Variants in ABCA8 observed in about 807,000 individuals in gnomAD.
ABCA8 encodes the protein ABC-type organic anion transporter ABCA8.
ABCA8 carries 177 observed loss-of-function variants against 192.3 expected under a neutral mutation model. The observed-to-expected ratio is 0.92, with a 90% CI of 0.81 to 1.04. The LOEUF (loss-of-function observed/expected upper bound fraction) is 1.04. Ranked by LOEUF, ABCA8 falls within the 50% of genes least tolerant of loss-of-function variation. The pLI is 0.00. For missense variants in ABCA8, 1,915 were observed against 1,904.8 expected (o/e 1.01, Z -0.10); for synonymous variants, 642 against 690.2 (o/e 0.93, Z 1.09).
In ABCA8 at chr17:68,877,691, A is replaced by G. The variant is rs1385824619; in HGVS notation, c.4039-12T>C. The G allele has an allele frequency of 5.0e-6, 8 of 1,606,628 alleles. No homozygotes were observed. Among genetic ancestry groups the G allele is most frequent in the Non-Finnish European group, 6.8e-6 (8 of 1,175,776 alleles). On this transcript the variant is annotated splice_polypyrimidine_tract_variant and intron_variant, in intron 32 of 39. Transcript: ENST00000586539. ...CCTTTCAGTAGCACCTGCAGATGAA[A>G]GTTCCCTCTCAGAACCTACCTTCTG...
chr17:68,876,321 TATTGG>T, intron 35 of ABCA8, 134 bp downstream of exon 35: 1 of 886,246 alleles, frequency 1.1e-6, no homozygotes, highest in Non-Finnish European at 1.7e-6. Flanking sequence ...TTTTGCAAAG[TATTGG>T]TTTTACAAGT....
chr17:68,922,362 G>T, intron 11 of ABCA8, 62 bp from the exon 12 acceptor site: 1 of 1,132,978 alleles, frequency 8.8e-7, no homozygotes, highest in Non-Finnish European at 1.2e-6. Context: ...TTCCAGTTTG[G>T]TAGACAGGAT....
intron 17 of ABCA8, among the ~76,000 whole-genome samples, chr17:68,910,961 C>T (rs2067216007): frequency 6.6e-6 from 1 of 152,192 alleles, no homozygotes; most frequent in African/African-American, 2.4e-5. Flanking sequence ...TGCCACAGGC[C>T]TTGGGTGAGG....
chr17:68,885,439 A>G (rs2066432926), intron 26 of ABCA8, 124 bp from the exon 27 acceptor site: 4 of 920,266 alleles, frequency 4.3e-6, no homozygotes, highest in South Asian at 1.8e-5. Flanking sequence ...TGAAATCAGT[A>G]TATCTCCATT....
rs1388303017 is a variant in ABCA8 at position 68,932,354 on chromosome 17, A to AC, written c.730dup (p.Val244GlyfsTer122). On this transcript the variant is annotated frameshift_variant, in exon 7 of 40. Coordinates refer to ENST00000586539, the MANE Select transcript of ABCA8 (RefSeq NM_001288985.2). LOFTEE classifies it high-confidence loss of function. ...CTTCATCCTTTTCCTCTCTCTTGTG[A>AC]CATTAACAGATGCATAGTAAATGAA... The AC allele has an allele frequency of 6.2e-7, 1 of 1,614,114 alleles. No individual in the cohort carries two copies. Among genetic ancestry groups the AC allele is most frequent in the Non-Finnish European group, 8.5e-7 (1 of 1,179,980 alleles).
intron 27 of ABCA8, chr17:68,884,658 A>G: frequency 8.6e-7 from 1 of 1,164,054 alleles, no homozygotes; most frequent in Non-Finnish European, 1.1e-6. Context: ...CCAAACAGTG[A>G]GAGACAGTGT....
At chr17:68,908,202 A>AG (rs1166752378) in intron 17 of ABCA8, among the ~76,000 whole-genome samples, 3 of 152,166 alleles carry the variant, frequency 2.0e-5, no homozygotes, top group Non-Finnish European at 4.4e-5. Context: ...GGAAAATACC[A>AG]GGGTTGCAGT....
At chr17:68,881,096 A>G (rs758835041) in intron 32 of ABCA8, 24 bp downstream of exon 32, 2 of 1,496,392 alleles carry the variant, frequency 1.3e-6, no homozygotes, top group African/African-American at 1.4e-5. Context: ...ATTAGATAAC[A>G]TATTTTCCAC....
rs1475852997 is a variant in ABCA8 at position 68,919,342 on chromosome 17, CAA to C, written c.1745_1746del (p.Phe582CysfsTer2). 2.5e-6 allele frequency: 4 copies of C among 1,612,900 alleles called. No homozygotes were observed. Among genetic ancestry groups the C allele is most frequent in the Non-Finnish European group, 3.4e-6 (4 of 1,179,512 alleles). On this transcript the variant is annotated frameshift_variant, in exon 14 of 40. Transcript: ENST00000586539. LOFTEE classifies it high-confidence loss of function. ...FLTVRENLRL[F>X]AKIKGILPQE... The stretch of plus-strand genomic sequence containing the variant: ...TGTGGCAGAATCCCTTTTATTTTAG[CAA>C]AGAGTCTGAGGTTTTCTCTTACAGT...
At chr17:68,910,129 G>T (rs1442769005) in intron 17 of ABCA8, among the ~76,000 whole-genome samples, 1 of 152,080 alleles carries the variant, frequency 6.6e-6, no homozygotes, top group Non-Finnish European at 1.5e-5. Context: ...ACACCAAATT[G>T]AACAACTGTC....
At position 68,902,952 on chromosome 17, in the gene ABCA8, T is replaced by C. The variant is rs971050942; in HGVS notation, c.2598-73A>G. Reference sequence around the variant, plus strand: ...CTAATACTCTCTGAGCAGTTTATAATGTAATGGGATAAAGAAATTATAAAA... The same window carrying C: ...CTAATACTCTCTGAGCAGTTTATAACGTAATGGGATAAAGAAATTATAAAA... On this transcript the variant is annotated intron_variant, in intron 20 of 39. Transcript: ENST00000586539. 4 of 1,260,314 alleles carry C rather than the reference T, an allele frequency of 3.2e-6. No homozygotes were observed. In the South Asian group the frequency reaches 4.5e-5, roughly 14 times the overall value. 78.1% of individuals were successfully genotyped at this position (1,260,314 alleles called of 1,614,324 possible). A position where few individuals can be genotyped will look rare whatever the true frequency, so the allele number is the denominator to read the frequency against.
chr17:68,908,932 G>C (rs139912775), intron 17 of ABCA8, among the ~76,000 whole-genome samples: 19 of 152,228 alleles, frequency 1.2e-4, no homozygotes, highest in African/African-American at 4.3e-4. Flanking sequence ...AAAAATGGTA[G>C]CAATTTTATT....
intron 2 of ABCA8, among the ~76,000 whole-genome samples, chr17:68,942,692 G>C (rs1469531030): frequency 6.6e-6 from 1 of 152,086 alleles, no homozygotes; most frequent in Non-Finnish European, 1.5e-5. Flanking sequence ...TTGCCATTCG[G>C]TGGGTTTCAA....
chr17:68,923,278 C>A (rs1039945818), intron 11 of ABCA8, among the ~76,000 whole-genome samples: 32 of 151,714 alleles, frequency 2.1e-4, no homozygotes, highest in Admixed American at 2.1e-3. Context: ...TGGCTCACTG[C>A]AACCTCTGCC....
rs1289496385 is a variant in ABCA8, at chr17:68,879,077, A to C, written c.4039-1398T>G. ...CTCTACCCCATGATGTCTCTCTTAG[A>C]TAAACCTGAGCTCTTTTTCTGTTTG... On this transcript the variant is annotated intron_variant, in intron 32 of 39. Coordinates refer to ENST00000586539, the MANE Select transcript of ABCA8 (RefSeq NM_001288985.2). 2.6e-5 allele frequency: 4 copies of C among 152,224 alleles called. No homozygotes were observed. The East Asian group carries it at 7.7e-4, about 29-fold the overall frequency. 9.4% of individuals were successfully genotyped at this position (152,224 alleles called of 1,614,324 possible). A position where few individuals can be genotyped will look rare whatever the true frequency, so the allele number is the denominator to read the frequency against.
At chr17:68,871,891 A>C (rs2066066909) in intron 37 of ABCA8, among the ~76,000 whole-genome samples, 1 of 146,392 alleles carries the variant, frequency 6.8e-6, no homozygotes, top group African/African-American at 2.5e-5. Context: ...CTATGTTACT[A>C]GTTTATGTAT....
chr17:68,951,757 C>T (rs1379572043), intron 1 of ABCA8, among the ~76,000 whole-genome samples: 1 of 147,662 alleles, frequency 6.8e-6, no homozygotes, highest in Non-Finnish European at 1.5e-5. Context: ...CCTAATGTAT[C>T]TGTTTCTATC....
At chr17:68,877,869 A>G (rs1415820902) in intron 32 of ABCA8, 190 bp from the exon 33 acceptor site, 1 of 507,412 alleles carries the variant, frequency 2.0e-6, no homozygotes, top group African/African-American at 2.0e-5. Flanking sequence ...AAGTGTGTCC[A>G]CAGCCAACAA....
At chr17:68,919,999 TA>T (rs2067490730) in intron 13 of ABCA8, 1 of 152,484 alleles carries the variant, frequency 6.6e-6, no homozygotes, top group Admixed American at 6.5e-5. Flanking sequence ...GAAATCAATT[TA>T]AATGCCTATC....
Sources: gnomAD v4.1 joint callset for allele counts (sites outside exome capture counted in the v4.1 genomes callset) on GRCh38, gnomAD v4.1.1 for gene constraint, MANE v1.5 for transcripts, NCBI Gene and HGNC (gene_info 2026-07-23, HGNC 2026-07-21) for gene names.